The following GULP1 variants were observed in gnomAD, a reference collection of about 807,000 sequenced individuals.
GULP1 encodes PTB domain-containing engulfment adapter protein 1.
A neutral mutation model predicts 40.9 loss-of-function variants in GULP1; 19 were observed. The ratio of observed to expected loss-of-function variants is 0.46; its 90% CI spans 0.32 to 0.68. GULP1 has a LOEUF of 0.68. GULP1 is among the 30% of genes least tolerant of loss of function. The pLI is 0.03. For synonymous variants in GULP1, 119 were observed against 117.6 expected (o/e 1.01, Z -0.08); for missense variants, 312 against 362.2 (o/e 0.86, Z 1.12).
At chr2:188,592,490 A>G (rs1023067119) in intron 11 of GULP1, 3 of 152,058 alleles carry the variant, frequency 2.0e-5, no homozygotes, top group Non-Finnish European at 4.4e-5. Context: ...TGTGATAAGA[A>G]TAGATTTTTA....
intron 7 of GULP1, among the ~76,000 whole-genome samples, chr2:188,550,202 A>G (rs1452202065): frequency 6.6e-6 from 1 of 151,698 alleles, no homozygotes; most frequent in Non-Finnish European, 1.5e-5. Flanking sequence ...AGTATGGCCT[A>G]TTTGGACCAA....
At chr2:188,591,897 T>C (rs1343034622) in intron 11 of GULP1, 2 of 151,894 alleles carry the variant, frequency 1.3e-5, no homozygotes, top group Admixed American at 6.6e-5. Context: ...CATTCTTTTG[T>C]GTGACGTTAG....
chr2:188,518,335 T>A (rs2065395686), intron 4 of GULP1, among the ~76,000 whole-genome samples: 1 of 152,058 alleles, frequency 6.6e-6, no homozygotes, highest in African/African-American at 2.4e-5. Flanking sequence ...TTAGCCTAAT[T>A]CCATGGTAAG....
intron 6 of GULP1, among the ~76,000 whole-genome samples, chr2:188,539,202 G>A (rs1339668400): frequency 1.3e-5 from 2 of 151,892 alleles, no homozygotes; most frequent in Non-Finnish European, 2.9e-5. Context: ...GTTGTGTTTT[G>A]CATGTTACTC....
intron 2 of GULP1, among the ~76,000 whole-genome samples, chr2:188,465,833 A>G (rs966803094): frequency 1.3e-5 from 2 of 151,990 alleles, no homozygotes; most frequent in Admixed American, 6.6e-5. Context: ...GGTTGCCTCT[A>G]CTGAGGGATG....
chr2:188,555,704 A>G (rs1694570492), intron 7 of GULP1, among the ~76,000 whole-genome samples: 1 of 152,048 alleles, frequency 6.6e-6, no homozygotes, highest in Non-Finnish European at 1.5e-5. Context: ...TTCGTTTTGT[A>G]TCTGCTTAGG....
intron 1 of GULP1, among the ~76,000 whole-genome samples, chr2:188,321,442 A>AT (rs1285191993): frequency 3.3e-5 from 5 of 152,094 alleles, no homozygotes; most frequent in Admixed American, 3.3e-4. Context: ...AATAGACCTG[A>AT]TTTTTCCATA....
intron 1 of GULP1, among the ~76,000 whole-genome samples, chr2:188,348,733 G>A (rs1021315604): frequency 2.0e-5 from 3 of 152,150 alleles, no homozygotes; most frequent in Non-Finnish European, 2.9e-5. Flanking sequence ...AGCTTCTCCA[G>A]TGGTAACATC....
At chr2:188,345,703 G>T (rs779468670) in intron 1 of GULP1, among the ~76,000 whole-genome samples, 1 of 152,178 alleles carries the variant, frequency 6.6e-6, no homozygotes, top group Non-Finnish European at 1.5e-5. Context: ...ATGGAAAGAG[G>T]CAGGATGAAG....
chr2:188,515,484 A>G (rs2065075673), intron 4 of GULP1, among the ~76,000 whole-genome samples: 1 of 152,054 alleles, frequency 6.6e-6, no homozygotes, highest in African/African-American at 2.4e-5. Flanking sequence ...TGGTATCTCT[A>G]GTGAGCACGT....
At chr2:188,467,122 A>G (rs1165193802) in intron 2 of GULP1, among the ~76,000 whole-genome samples, 1 of 152,184 alleles carries the variant, frequency 6.6e-6, no homozygotes, top group African/African-American at 2.4e-5. Flanking sequence ...TGAAAAAAAA[A>G]AAGCTTGTGG....
chr2:188,504,796 C>G (rs2063749146), intron 4 of GULP1, among the ~76,000 whole-genome samples: 1 of 151,790 alleles, frequency 6.6e-6, no homozygotes. Flanking sequence ...AACAGTGAAT[C>G]ATAAGTTAAC....
intron 2 of GULP1, among the ~76,000 whole-genome samples, chr2:188,441,298 C>A (rs1465759577): frequency 3.3e-5 from 5 of 152,110 alleles, no homozygotes; most frequent in African/African-American, 1.2e-4. Flanking sequence ...TTTCTATACA[C>A]CCTTTACATG....
chr2:188,396,346 C>T (rs921073219), intron 2 of GULP1, among the ~76,000 whole-genome samples: 1 of 152,190 alleles, frequency 6.6e-6, no homozygotes, highest in African/African-American at 2.4e-5. Context: ...AACAAGGGCT[C>T]CTGTGAGGGC....
At chr2:188,331,337 A>G (rs1302228395) in intron 1 of GULP1, among the ~76,000 whole-genome samples, 1 of 152,160 alleles carries the variant, frequency 6.6e-6, no homozygotes, top group African/African-American at 2.4e-5. Context: ...AATCCATTCC[A>G]TTTTGTAATA....
chr2:188,487,542 TAGAA>T (rs981742227), intron 4 of GULP1, among the ~76,000 whole-genome samples: 1 of 151,930 alleles, frequency 6.6e-6, no homozygotes, highest in Non-Finnish European at 1.5e-5. Flanking sequence ...ATATGAAACA[TAGAA>T]AGAATTTTGG....
intron 1 of GULP1, among the ~76,000 whole-genome samples, chr2:188,354,961 A>C (rs968303836): frequency 3.3e-5 from 5 of 152,180 alleles, no homozygotes; most frequent in Admixed American, 6.5e-5. Flanking sequence ...ATTAATGAGG[A>C]AATTAAGAAG....
At chr2:188,453,472 T>C (rs377452917) in intron 2 of GULP1, among the ~76,000 whole-genome samples, 1 of 152,170 alleles carries the variant, frequency 6.6e-6, no homozygotes, top group Non-Finnish European at 1.5e-5. Flanking sequence ...GGGCTTGATA[T>C]AGATTGGTGG....
At chr2:188,501,804 GAGT>G (rs1183769995) in intron 4 of GULP1, among the ~76,000 whole-genome samples, 5 of 151,906 alleles carry the variant, frequency 3.3e-5, no homozygotes, top group African/African-American at 1.2e-4. Context: ...CTGTTCTGAT[GAGT>G]AGTTTCTAGC....
Sources: gnomAD v4.1 joint callset for allele counts (sites outside exome capture counted in the v4.1 genomes callset) on GRCh38, gnomAD v4.1.1 for gene constraint, MANE v1.5 for transcripts, NCBI Gene and HGNC (gene_info 2026-07-23, HGNC 2026-07-21) for gene names.